Variants in SLC12A6 observed in about 807,000 individuals in gnomAD.
SLC12A6 encodes K-Cl cotransporter 3.
SLC12A6 carries 66 observed loss-of-function variants against 135.3 expected under a neutral mutation model. The ratio of observed to expected loss-of-function variants is 0.49; its 90% CI spans 0.40 to 0.60. The LOEUF is 0.60. SLC12A6 is among the 20% of genes least tolerant of loss of function. The pLI, the probability that SLC12A6 is intolerant of heterozygous loss-of-function variation, is 0.00. For synonymous variants in SLC12A6, 513 were observed against 508.8 expected, an observed-to-expected ratio of 1.01 and a Z score of -0.11; for missense variants, 1,058 against 1,452.3, an observed-to-expected ratio of 0.73 and a Z score of 4.41.
In SLC12A6 at chr15:34,335,631, T is replaced by A. The variant is rs1000635106; in HGVS notation, c.271+779A>T. On this transcript the variant is annotated intron_variant, in intron 2 of 25. Transcript: ENST00000354181. Reference sequence around the variant, plus strand: ...CATTTTCTCTCTTCTCTCTCTTCCATCACCTCTTCCCAGTACCTCAAATAA... The same window carrying A: ...CATTTTCTCTCTTCTCTCTCTTCCAACACCTCTTCCCAGTACCTCAAATAA... 5.3e-5 allele frequency among the ~76,000 whole-genome samples: 8 copies of A among 152,158 alleles called. 1 individual carries two copies. Among genetic ancestry groups the A allele is most frequent in the Admixed American group, 3.3e-4 (5 of 15,272 alleles).
intron 2 of SLC12A6, among the ~76,000 whole-genome samples, chr15:34,301,822 T>TCC (rs1566853164): frequency 6.6e-6 from 1 of 152,208 alleles, no homozygotes; most frequent in Admixed American, 6.5e-5. Context: ...TAATACTGGG[T>TCC]ACTCATCAAC....
intron 2 of SLC12A6, among the ~76,000 whole-genome samples, chr15:34,307,437 A>G (rs936950736): frequency 2.0e-5 from 3 of 152,202 alleles, no homozygotes; most frequent in Admixed American, 2.0e-4. Context: ...TACTGCAAGA[A>G]TATTTGACTG....
chr15:34,268,236 T>C (rs1465023759), intron 3 of SLC12A6, among the ~76,000 whole-genome samples: 1 of 152,254 alleles, frequency 6.6e-6, no homozygotes, highest in African/African-American at 2.4e-5. Context: ...CTTGTCTTAT[T>C]ATCATCAGAC....
chr15:34,295,766 AGGTAGGCGGATCACCTGAAGTTG>A (rs1183405635), intron 2 of SLC12A6, among the ~76,000 whole-genome samples: 1 of 152,184 alleles, frequency 6.6e-6, no homozygotes, highest in Non-Finnish European at 1.5e-5. Flanking sequence ...TGGGAGGCCA[AGGTAGGCGGATCACCTGAAGTTG>A]GGAGTTCAAG....
intron 2 of SLC12A6, among the ~76,000 whole-genome samples, chr15:34,334,483 T>C (rs945654291): frequency 1.3e-5 from 2 of 152,292 alleles, no homozygotes; most frequent in Middle Eastern, 3.4e-3. Context: ...GGTGAAATAA[T>C]TGTGTTTCTA....
chr15:34,292,678 C>T (rs1022523612), intron 2 of SLC12A6, among the ~76,000 whole-genome samples: 3 of 152,168 alleles, frequency 2.0e-5, no homozygotes, highest in African/African-American at 7.2e-5. Context: ...ACTTTGTTTA[C>T]TCCAAGTGAG....
chr15:34,318,526 T>G (rs1888814308), intron 2 of SLC12A6: 1 of 1,552,034 alleles, frequency 6.4e-7, no homozygotes, highest in Non-Finnish European at 8.9e-7. Flanking sequence ...TGAAACATTT[T>G]ATAGGTTCCA....
At chr15:34,288,629 T>C (rs1244541532) in intron 2 of SLC12A6, among the ~76,000 whole-genome samples, 3 of 152,252 alleles carry the variant, frequency 2.0e-5, no homozygotes, top group Non-Finnish European at 2.9e-5. Context: ...TAGAATGTTT[T>C]TCCATTTGAT....
At chr15:34,250,835 T>G in intron 11 of SLC12A6, 64 bp downstream of exon 11, 1 of 1,463,412 alleles carries the variant, frequency 6.8e-7, no homozygotes, top group East Asian at 2.3e-5. Flanking sequence ...GAATTCTGCC[T>G]CCTGAGAAAA....
At chr15:34,305,419 G>T (rs1896538721) in intron 2 of SLC12A6, among the ~76,000 whole-genome samples, 5 of 138,438 alleles carry the variant, frequency 3.6e-5, no homozygotes, top group Non-Finnish European at 6.2e-5. Context: ...TTGGCTCCAT[G>T]CTTTGAAATA....
chr15:34,238,145 A>G (rs970402474), intron 21 of SLC12A6, 87 bp downstream of exon 21: 1 of 937,754 alleles, frequency 1.1e-6, no homozygotes, highest in Non-Finnish European at 1.8e-6. Flanking sequence ...CCCCAACACT[A>G]TTATAATCAG....
intron 2 of SLC12A6, among the ~76,000 whole-genome samples, chr15:34,277,522 T>TCAC (rs1229546317): frequency 2.6e-5 from 4 of 151,924 alleles, no homozygotes; most frequent in Non-Finnish European, 5.9e-5. Flanking sequence ...GGAATAACAG[T>TCAC]TCTGTAGTCA....
intron 2 of SLC12A6, among the ~76,000 whole-genome samples, chr15:34,281,762 T>C (rs1028021013): frequency 6.6e-6 from 1 of 152,118 alleles, no homozygotes; most frequent in African/African-American, 2.4e-5. Flanking sequence ...CACTCCAGCC[T>C]GGTGACAGAG....
intron 2 of SLC12A6, among the ~76,000 whole-genome samples, chr15:34,319,260 C>T (rs1009108152): frequency 2.0e-5 from 3 of 151,536 alleles, no homozygotes; most frequent in African/African-American, 7.3e-5. Context: ...CTCAGCCTCA[C>T]GAGTAGCTGG....
chr15:34,252,485 G>C, intron 9 of SLC12A6, 101 bp from the exon 10 acceptor site: 2 of 722,122 alleles, frequency 2.8e-6, no homozygotes, highest in Non-Finnish European at 5.0e-6. Flanking sequence ...CCATCTTTAA[G>C]AGCTTCTACT....
intron 10 of SLC12A6, among the ~76,000 whole-genome samples, chr15:34,251,904 C>T (rs1000641396): frequency 9.2e-5 from 14 of 152,048 alleles, no homozygotes; most frequent in African/African-American, 2.2e-4. Flanking sequence ...AATATTTTAC[C>T]GTAAGGTTAG....
intron 8 of SLC12A6, 22 bp from the exon 9 acceptor site, chr15:34,254,611 G>C: frequency 6.4e-7 from 1 of 1,571,302 alleles, no homozygotes; most frequent in African/African-American, 1.3e-5. Context: ...AAATAAAGGA[G>C]AAAATTAGGT....
chr15:34,238,537 T>C lies in SLC12A6; in HGVS notation c.2633-136A>G, dbSNP rs1595403973. 3 of 720,722 alleles carry C rather than the reference T, an allele frequency of 4.2e-6. No homozygotes were observed. The East Asian group carries it at 8.0e-5, about 19-fold the overall frequency. 44.6% of individuals were successfully genotyped at this position (720,722 alleles called of 1,614,324 possible). A position where few individuals can be genotyped will look rare whatever the true frequency, so the allele number is the denominator to read the frequency against. On this transcript the variant is annotated intron_variant, in intron 20 of 25. Transcript: ENST00000354181. ...TATTTACTTAGTAGGTTATTTCTCA[T>C]TACGTATCAAAAACCATTGTGAAAA...
chr15:34,235,641 T>C (rs1339596423), intron 24 of SLC12A6, among the ~76,000 whole-genome samples: 1 of 152,128 alleles, frequency 6.6e-6, no homozygotes, highest in African/African-American at 2.4e-5. Flanking sequence ...TTTCACCATG[T>C]TGGGCAGGCT....
Sources: gnomAD v4.1 joint callset for allele counts (sites outside exome capture counted in the v4.1 genomes callset) on GRCh38, gnomAD v4.1.1 for gene constraint, MANE v1.5 for transcripts, NCBI Gene and HGNC (gene_info 2026-07-23, HGNC 2026-07-21) for gene names.